Variants in TPX2 observed in about 807,000 individuals in gnomAD.
The protein encoded by TPX2 is targeting protein for Xklp2.
In TPX2, 21 loss-of-function variants were observed where a neutral mutation model predicts 93.6. That is an observed-to-expected ratio of 0.22 (90% CI 0.16 to 0.32). The LOEUF is 0.32. Ranked by LOEUF, TPX2 falls within the 10% of genes least tolerant of loss-of-function variation. TPX2 has a pLI of 1.00. For synonymous variants in TPX2, 281 were observed against 298.3 expected (o/e 0.94, Z 0.60); for missense variants, 776 against 871.1 (o/e 0.89, Z 1.37).
intron 4 of TPX2, among the ~76,000 whole-genome samples, chr20:31,765,314 C>CAAAAA (rs796500792): frequency 3.7e-5 from 2 of 53,698 alleles, no homozygotes; most frequent in Non-Finnish European, 7.9e-5. Context: ...TATTGAAAAG[C>CAAAAA]AAAAAAAAAA....
intron 2 of TPX2, among the ~76,000 whole-genome samples, chr20:31,747,829 A>T (rs1393451071): frequency 7.5e-6 from 1 of 133,392 alleles, no homozygotes; most frequent in African/African-American, 2.9e-5. Context: ...TGATTAAGGG[A>T]CGCAGGAAGG....
chr20:31,779,377 C>T (rs934509931), intron 10 of TPX2, among the ~76,000 whole-genome samples: 2 of 152,200 alleles, frequency 1.3e-5, no homozygotes, highest in African/African-American at 4.8e-5. Flanking sequence ...ATTTTTACTA[C>T]TACTAACCAG....
At chr20:31,768,446 C>T (rs894780784) in intron 5 of TPX2, among the ~76,000 whole-genome samples, 10 of 150,074 alleles carry the variant, frequency 6.7e-5, no homozygotes, top group East Asian at 2.0e-4. Flanking sequence ...GGGGTTTCAC[C>T]GTGTTAGCCA....
chr20:31,742,479 G>C (rs953834133), intron 1 of TPX2, 62 bp from the exon 2 acceptor site: 1 of 152,132 alleles, frequency 6.6e-6, no homozygotes, highest in Non-Finnish European at 1.5e-5. Flanking sequence ...CTCCCGGCCT[G>C]TTAACCCTTT....
intron 15 of TPX2, among the ~76,000 whole-genome samples, chr20:31,795,377 G>T (rs140161368): frequency 6.6e-6 from 1 of 152,206 alleles, no homozygotes; most frequent in Non-Finnish European, 1.5e-5. Flanking sequence ...CAAGTGATCT[G>T]CCCACCGTGG....
At chr20:31,751,031 C>G (rs886939801) in intron 2 of TPX2, among the ~76,000 whole-genome samples, 3 of 152,100 alleles carry the variant, frequency 2.0e-5, no homozygotes, top group Non-Finnish European at 4.4e-5. Context: ...CCTCAGCCTC[C>G]TGATTAGCTG....
At chr20:31,795,280 C>T (rs554646433) in intron 15 of TPX2, among the ~76,000 whole-genome samples, 16 of 152,244 alleles carry the variant, frequency 1.1e-4, no homozygotes, top group East Asian at 9.7e-4. Context: ...ATTACAGGCG[C>T]GTGCCACCAC....
chr20:31,760,039 G>T lies in TPX2; in HGVS notation c.107-18G>T. 1 of 1,611,492 alleles carries T rather than the reference G, an allele frequency of 6.2e-7. No homozygotes were observed. The highest frequency in any genetic ancestry group is 1.1e-5 in the South Asian group (1 of 90,478). On this transcript the variant is annotated intron_variant, in intron 3 of 17. Coordinates refer to ENST00000300403, the MANE Select transcript of TPX2 (RefSeq NM_012112.5). ...GCTTCCTTGCTGATCAGACAATGAT[G>T]ATCTTCCCTTTTCACAGAGGAGAAG...
rs571824258 is a variant in TPX2, at chr20:31,760,050, T to G, written c.107-7T>G. 77 of 1,612,270 alleles carry G rather than the reference T, an allele frequency of 4.8e-5. 1 individual carries two copies. The South Asian group carries it at 8.3e-4, about 17-fold the overall frequency. On this transcript the variant is annotated splice_region_variant and splice_polypyrimidine_tract_variant and intron_variant, in intron 3 of 17. Coordinates refer to ENST00000300403, the MANE Select transcript of TPX2 (RefSeq NM_012112.5). ...GATCAGACAATGATGATCTTCCCTT[T>G]TCACAGAGGAGAAGGCCAATTTGGA... is the stretch of plus-strand genomic sequence containing the variant.
rs1010694678 is a variant in TPX2 at position 31,784,569 on chromosome 20, C to G, written c.1413+648C>G. Among the ~76,000 whole-genome samples, 6 of 152,108 alleles carry G rather than the reference C, an allele frequency of 3.9e-5. No homozygotes were observed. The East Asian group carries it at 1.2e-3, about 29-fold the overall frequency. ...GATAGAATTTTGACTTGCAGAAATG[C>G]AAATGGACTGGATTGGCAGAACATT... is the stretch of plus-strand genomic sequence containing the variant. On this transcript the variant is annotated intron_variant, in intron 12 of 17. Transcript: ENST00000300403.
intron 15 of TPX2, among the ~76,000 whole-genome samples, chr20:31,794,764 G>T (rs2062125256): frequency 6.7e-6 from 1 of 149,900 alleles, no homozygotes; most frequent in Admixed American, 6.6e-5. Context: ...TAGTGTGTGT[G>T]TGTGTGTGTG....
chr20:31,788,333 G>T (rs112754271), intron 12 of TPX2, among the ~76,000 whole-genome samples: 13,134 of 148,918 alleles, frequency 0.088, 634 homozygotes, highest in African/African-American at 0.14. Context: ...CAGGAGAATT[G>T]CATGAACCCA....
intron 5 of TPX2, among the ~76,000 whole-genome samples, chr20:31,767,530 G>A (rs192020179): frequency 2.4e-3 from 364 of 151,886 alleles, no homozygotes; most frequent in Non-Finnish European, 4.0e-3. Context: ...ATAAACCACC[G>A]CATCCAGCCA....
chr20:31,744,295 T>C (rs1285819718), intron 2 of TPX2, among the ~76,000 whole-genome samples: 1 of 151,018 alleles, frequency 6.6e-6, no homozygotes, highest in Non-Finnish European at 1.5e-5. Flanking sequence ...CCCGAGTAGC[T>C]GGGATTACAG....
chr20:31,790,820 A>G (rs1311864442), intron 12 of TPX2, among the ~76,000 whole-genome samples: 2 of 152,212 alleles, frequency 1.3e-5, no homozygotes, highest in Non-Finnish European at 2.9e-5. Flanking sequence ...CACTCAGGCT[A>G]GCAGGGGGAA....
In TPX2 at chr20:31,772,375, A is replaced by T. The variant is rs546997588; in HGVS notation, c.608+693A>T. Among the ~76,000 whole-genome samples the T allele has an allele frequency of 3.3e-5, 5 of 152,258 alleles. No individual in the cohort carries two copies. The East Asian group carries it at 9.6e-4, about 29-fold the overall frequency. On this transcript the variant is annotated intron_variant, in intron 7 of 17. Coordinates refer to ENST00000300403, the MANE Select transcript of TPX2 (RefSeq NM_012112.5). ...GAGATGGGATTTCACTATGTTGCCC[A>T]GGCTCTCAAACTCCTGGCCTCAAGC...
intron 2 of TPX2, among the ~76,000 whole-genome samples, chr20:31,752,312 C>G (rs1476390190): frequency 2.0e-5 from 3 of 152,106 alleles, no homozygotes; most frequent in African/African-American, 7.2e-5. Flanking sequence ...AAAATTTTTT[C>G]CTAGGAATCC....
chr20:31,779,051 G>A, intron 10 of TPX2, 67 bp downstream of exon 10: 1 of 1,453,344 alleles, frequency 6.9e-7, no homozygotes, highest in Non-Finnish European at 9.2e-7. Context: ...TACATCTTAG[G>A]CACAGATTTG....
intron 4 of TPX2, among the ~76,000 whole-genome samples, chr20:31,761,279 G>A (rs2061889042): frequency 7.1e-6 from 1 of 141,330 alleles, no homozygotes; most frequent in Admixed American, 7.7e-5. Flanking sequence ...TCGGCTCACT[G>A]TAACCTCCAC....
Sources: allele counts gnomAD v4.1 joint callset (sites outside exome capture counted in the v4.1 genomes callset), GRCh38; gene constraint gnomAD v4.1.1; transcripts MANE v1.5; gene names NCBI Gene and HGNC (gene_info 2026-07-23, HGNC 2026-07-21).